The following COL11A1 variants were observed in gnomAD, a reference collection of about 807,000 sequenced individuals.
The protein encoded by COL11A1 is collagen alpha-1(XI) chain.
COL11A1 carries 74 observed loss-of-function variants against 265.2 expected under a neutral mutation model. That is an observed-to-expected ratio of 0.28 (90% confidence interval 0.23 to 0.34). COL11A1 has a LOEUF of 0.34. Among genes scored for constraint, COL11A1 ranks in the 10% least tolerant of loss-of-function variants. The pLI is 1.00. For synonymous variants in COL11A1, 816 were observed against 727.6 expected, an observed-to-expected ratio of 1.12 and a Z score of -1.96; for missense variants, 2,165 against 2,263.6, an observed-to-expected ratio of 0.96 and a Z score of 0.88.
chr1:103,059,833 A>G (rs1280211600), intron 4 of COL11A1, among the ~76,000 whole-genome samples: 1 of 152,130 alleles, frequency 6.6e-6, no homozygotes, highest in African/African-American at 2.4e-5. Context: ...GCAAAGAGAA[A>G]AAAAGCTGGG....
chr1:103,085,478 G>A (rs1310925044), intron 1 of COL11A1, among the ~76,000 whole-genome samples: 1 of 152,076 alleles, frequency 6.6e-6, no homozygotes, highest in African/African-American at 2.4e-5. Context: ...TCCCACGGAG[G>A]CACAGGGAGA....
At chr1:102,923,287 T>G (rs1194811084) in intron 47 of COL11A1, 49 bp downstream of exon 47, 24 of 1,430,122 alleles carry the variant, frequency 1.7e-5, no homozygotes, top group Non-Finnish European at 2.3e-5. Context: ...AACCAGTGAC[T>G]GCCATGCATA....
intron 4 of COL11A1, among the ~76,000 whole-genome samples, chr1:103,051,337 A>T (rs890578957): frequency 6.6e-6 from 1 of 152,080 alleles, no homozygotes; most frequent in African/African-American, 2.4e-5. Context: ...GCCACCTTGC[A>T]GTTTGATCTC....
rs149149774 is a variant in COL11A1, at chr1:102,960,552, A to C, written c.3168+1314T>G. Among the ~76,000 whole-genome samples, 256 of 152,144 alleles carry C rather than the reference A, an allele frequency of 1.7e-3. 1 individual carries two copies. The highest frequency in any genetic ancestry group is 0.01 in the Middle Eastern group (3 of 294). ...ATTATCCAAAGATGACTTTATAGAGATTTAACATTTAAGAGTTATCTTTAT... is the reference window on the plus strand; with the variant it reads ...ATTATCCAAAGATGACTTTATAGAGCTTTAACATTTAAGAGTTATCTTTAT... On this transcript the variant is annotated intron_variant, in intron 41 of 66. Transcript: ENST00000370096.
intron 12 of COL11A1, among the ~76,000 whole-genome samples, chr1:103,015,098 T>G (rs947700749): frequency 1.3e-5 from 2 of 152,106 alleles, no homozygotes; most frequent in African/African-American, 4.8e-5. Context: ...GTAATATTCC[T>G]CTATAAAATT....
intron 46 of COL11A1, among the ~76,000 whole-genome samples, chr1:102,928,674 A>AC (rs1656957588): frequency 6.7e-6 from 1 of 149,652 alleles, no homozygotes; most frequent in Non-Finnish European, 1.5e-5. Context: ...CGCCACACTG[A>AC]CTTCGACAAT....
At chr1:103,036,211 A>G (rs1039471532) in intron 4 of COL11A1, among the ~76,000 whole-genome samples, 6 of 150,980 alleles carry the variant, frequency 4.0e-5, no homozygotes, top group African/African-American at 1.5e-4. Context: ...ACTGAGAGAT[A>G]ATAGCTAAGT....
intron 53 of COL11A1, among the ~76,000 whole-genome samples, chr1:102,912,912 C>T (rs979848238): frequency 3.5e-4 from 54 of 152,340 alleles, no homozygotes; most frequent in African/African-American, 1.2e-3. Flanking sequence ...TTTCCTGAGG[C>T]CTTCCCAGCC....
In COL11A1 at chr1:103,044,742, G is replaced by C. The variant is rs1238716135; in HGVS notation, c.652-13498C>G. Among the ~76,000 whole-genome samples the C allele has an allele frequency of 2.0e-5, 3 of 152,092 alleles. No homozygotes were observed. The East Asian group carries it at 5.8e-4, about 29-fold the overall frequency. On this transcript the variant is annotated intron_variant, in intron 4 of 66. Transcript: ENST00000370096. ...TTTATTCATTCACTAAAAAATACTA[G>C]TATTACATGTCAGGTACTATTTTAG...
chr1:102,889,695 C>A (rs1651501206), intron 58 of COL11A1, 133 bp from the exon 59 acceptor site: 11 of 700,224 alleles, frequency 1.6e-5, no homozygotes, highest in South Asian at 1.5e-4. Flanking sequence ...ATTAAAATAC[C>A]CTTCTGAATG....
chr1:103,081,428 T>C (rs1415975218), intron 2 of COL11A1, among the ~76,000 whole-genome samples: 1 of 151,884 alleles, frequency 6.6e-6, no homozygotes, highest in East Asian at 1.9e-4. Flanking sequence ...ACTTTTAATT[T>C]TTTTAAATCT....
intron 38 of COL11A1, among the ~76,000 whole-genome samples, chr1:102,963,430 CCT>C (rs1661107804): frequency 6.6e-6 from 1 of 151,972 alleles, no homozygotes; most frequent in Non-Finnish European, 1.5e-5. Flanking sequence ...TTACGTGTCC[CCT>C]GAGTGGTGCT....
chr1:103,057,325 A>G, intron 4 of COL11A1, among the ~76,000 whole-genome samples: 1 of 152,184 alleles, frequency 6.6e-6, no homozygotes, highest in Middle Eastern at 3.2e-3. Context: ...AGGTTACAGC[A>G]GTTCAGTTAC....
intron 53 of COL11A1, among the ~76,000 whole-genome samples, chr1:102,913,180 G>A (rs1312400785): frequency 1.3e-5 from 2 of 151,872 alleles, no homozygotes; most frequent in Non-Finnish European, 2.9e-5. Context: ...AACTAAATGT[G>A]GTCAAAGTAC....
Position 102,914,364 on chromosome 1 carries a change from T to C in COL11A1, c.3966A>G (p.Glu1322=), listed in dbSNP as rs1347210872. Reference sequence around the variant, plus strand: ...CCCTGATACTTACTGCAGGGCCAGGTTCCCCAGGAGGACCAGGATCTCCAG... The same window carrying C: ...CCCTGATACTTACTGCAGGGCCAGGCTCCCCAGGAGGACCAGGATCTCCAG... The part of the protein sequence containing the change: ...GFPGDPGPPG[E]PGPAGQDGVG... Residue 1322 remains glutamate (E), a synonymous_variant, in exon 52 of 67, where the codon GAA becomes GAG. Transcript: ENST00000370096. 4 of 1,608,136 alleles carry C rather than the reference T, an allele frequency of 2.5e-6. No homozygotes were observed. The highest frequency in any genetic ancestry group is 1.1e-5 in the South Asian group (1 of 89,854).
intron 59 of COL11A1, 120 bp from the exon 60 acceptor site, chr1:102,889,039 T>C: frequency 2.2e-6 from 2 of 896,138 alleles, no homozygotes; most frequent in South Asian, 2.8e-5. Context: ...TGCAAAAATA[T>C]TTATGAATGG....
intron 28 of COL11A1, among the ~76,000 whole-genome samples, chr1:102,995,007 A>G (rs1341678643): frequency 6.6e-6 from 1 of 152,008 alleles, no homozygotes; most frequent in Non-Finnish European, 1.5e-5. Flanking sequence ...TTAAGAACAC[A>G]CTCACTATCA....
At chr1:102,991,768 G>A (rs987209043) in intron 28 of COL11A1, among the ~76,000 whole-genome samples, 1 of 151,554 alleles carries the variant, frequency 6.6e-6, no homozygotes, top group Non-Finnish European at 1.5e-5. Flanking sequence ...GTGAATATGA[G>A]ACCTAACCCT....
intron 9 of COL11A1, among the ~76,000 whole-genome samples, chr1:103,020,937 A>T (rs1479438854): frequency 2.6e-4 from 37 of 140,446 alleles, no homozygotes; most frequent in African/African-American, 7.7e-4. Context: ...CTGTTCTGTC[A>T]ATGGAACAGA....
Sources: allele counts gnomAD v4.1 joint callset (sites outside exome capture counted in the v4.1 genomes callset), GRCh38; gene constraint gnomAD v4.1.1; transcripts MANE v1.5; gene names NCBI Gene and HGNC (gene_info 2026-07-23, HGNC 2026-07-21).